The following CAPN7 variants were observed in gnomAD, a reference collection of about 807,000 sequenced individuals.
CAPN7 encodes the protein calpain-7.
In CAPN7, 72 loss-of-function variants were observed where a neutral mutation model predicts 115.2. The observed-to-expected ratio is 0.63, with a 90% CI of 0.52 to 0.76. The LOEUF (loss-of-function observed/expected upper bound fraction) is 0.76. Ranked by LOEUF, CAPN7 falls within the 30% of genes least tolerant of loss-of-function variation. CAPN7 has a pLI of 0.00. For missense variants in CAPN7, 905 were observed against 971.5 expected, an observed-to-expected ratio of 0.93 and a Z score of 0.91; for synonymous variants, 344 against 322.3, an observed-to-expected ratio of 1.07 and a Z score of -0.72.
intron 12 of CAPN7, among the ~76,000 whole-genome samples, chr3:15,238,923 A>G (rs757168435): frequency 6.7e-6 from 1 of 148,604 alleles, no homozygotes; most frequent in Non-Finnish European, 1.5e-5. Context: ...CCATCCAAAC[A>G]AAATCTACAT....
At chr3:15,241,686 C>T in intron 15 of CAPN7, 98 bp downstream of exon 15, 2 of 926,896 alleles carry the variant, frequency 2.2e-6, no homozygotes, top group Non-Finnish European at 3.2e-6. Flanking sequence ...GTTTAATTTA[C>T]ATAGGTGCCC....
chr3:15,206,386 C>T lies in CAPN7; in HGVS notation c.-110C>T. The T allele has an allele frequency of 6.6e-6, 5 of 757,526 alleles. No homozygotes were observed. In the South Asian group the frequency reaches 6.9e-5, roughly 10 times the overall value. The allele number at this position is 757,526 out of a possible 1,614,324, so 46.9% of individuals were successfully genotyped here. On this transcript the variant is annotated 5_prime_UTR_variant, in exon 1 of 21. Transcript: ENST00000253693. ...CCACCGTCCAAAGTAAACTTTGCCG[C>T]TCCTTCCGCGGCGCTCCCGAGTCCT...
At chr3:15,244,815 A>G (rs576431382) in intron 16 of CAPN7, among the ~76,000 whole-genome samples, 83 of 152,238 alleles carry the variant, frequency 5.5e-4, no homozygotes, top group African/African-American at 1.9e-3. Flanking sequence ...TGTAGATAAA[A>G]TGTCATATTT....
In CAPN7 at chr3:15,209,374, A is replaced by G. The variant is rs575792462; in HGVS notation, c.103-2730A>G. On this transcript the variant is annotated intron_variant, in intron 1 of 20. Coordinates refer to ENST00000253693, the MANE Select transcript of CAPN7 (RefSeq NM_014296.3). ...TTCAGGGTACATGTGATAATTTAAT[A>G]CATTAATATAATTTGTAAAGATAAA... Among the ~76,000 whole-genome samples, 11 of 152,320 alleles carry G rather than the reference A, an allele frequency of 7.2e-5. No individual in the cohort carries two copies. In the South Asian group the frequency reaches 2.3e-3, roughly 32 times the overall value.
chr3:15,250,280 G>A (rs1695927393), intron 19 of CAPN7, among the ~76,000 whole-genome samples: 1 of 151,988 alleles, frequency 6.6e-6, no homozygotes, highest in African/African-American at 2.4e-5. Context: ...AGGAGGCTAA[G>A]GTGGGAGAAT....
At chr3:15,238,176 C>T (rs775225259) in intron 12 of CAPN7, among the ~76,000 whole-genome samples, 60 of 131,954 alleles carry the variant, frequency 4.5e-4, no homozygotes, top group Non-Finnish European at 7.8e-4. Context: ...TGCAGTGGCG[C>T]GGTCTCAGCT....
chr3:15,213,600 G>A (rs947341214), intron 2 of CAPN7, among the ~76,000 whole-genome samples: 3 of 152,164 alleles, frequency 2.0e-5, no homozygotes, highest in African/African-American at 2.4e-5. Context: ...ACACAGTCAA[G>A]CACATTTATG....
intron 1 of CAPN7, chr3:15,210,657 C>T (rs1025364501): frequency 9.8e-5 from 35 of 358,114 alleles, no homozygotes; most frequent in African/African-American, 2.9e-4. Flanking sequence ...TGCAGTGGCC[C>T]GATCACAGCT....
At chr3:15,236,481 A>G (rs1254743231) in intron 12 of CAPN7, among the ~76,000 whole-genome samples, 13 of 152,360 alleles carry the variant, frequency 8.5e-5, no homozygotes, top group Non-Finnish European at 1.3e-4. Context: ...TCAGTCAGCA[A>G]TAACAGAGCA....
chr3:15,214,561 T>C (rs1040641091), intron 2 of CAPN7, among the ~76,000 whole-genome samples: 5 of 151,960 alleles, frequency 3.3e-5, no homozygotes, highest in South Asian at 2.1e-4. Context: ...CCTACAAAAA[T>C]TGAAAAAATT....
At position 15,251,009 on chromosome 3, in the gene CAPN7, T is replaced by C; in HGVS notation, c.2283T>C (p.Ser761=). The C allele has an allele frequency of 6.2e-7, 1 of 1,612,690 alleles. No homozygotes were observed. Among genetic ancestry groups the C allele is most frequent in the African/African-American group, 1.3e-5 (1 of 75,004 alleles). ...GTCCCCATGGCTTTCTGAGGAAATCTAGTGGTGACTATAGGTAATGTTGGC... is the reference window on the plus strand; with the variant it reads ...GTCCCCATGGCTTTCTGAGGAAATCCAGTGGTGACTATAGGTAATGTTGGC... ...DPGPHGFLRK[S]SGDYRCGFCY... is the part of the protein sequence containing the mutation. The change falls in exon 20 of 21, where the codon TCT becomes TCC. Residue 761 remains serine, a synonymous_variant. Coordinates refer to ENST00000253693, the MANE Select transcript of CAPN7 (RefSeq NM_014296.3).
In CAPN7 at chr3:15,242,160, G is replaced by T; in HGVS notation, c.1789-18G>T. On this transcript the variant is annotated intron_variant, in intron 15 of 20. Transcript: ENST00000253693. ...TTGAACCCATTTTCTAACCACATTG[G>T]ATTCTTTGTGATTTTAGGATGATTT... is the stretch of plus-strand genomic sequence containing the variant. The T allele has an allele frequency of 6.4e-7, 1 of 1,558,720 alleles. No homozygotes were observed. Among genetic ancestry groups the T allele is most frequent in the South Asian group, 1.2e-5 (1 of 85,894 alleles).
At chr3:15,212,037 G>C in intron 1 of CAPN7, 67 bp from the exon 2 acceptor site, 1 of 828,312 alleles carries the variant, frequency 1.2e-6, no homozygotes, top group Non-Finnish European at 1.8e-6. Flanking sequence ...TATTGAATGA[G>C]AATGTGATAA....
intron 19 of CAPN7, 82 bp downstream of exon 19, chr3:15,247,539 C>G (rs1373366271): frequency 1.8e-6 from 2 of 1,137,672 alleles, no homozygotes; most frequent in East Asian, 2.5e-5. Flanking sequence ...AGAAACAGAC[C>G]TAAGCATATA....
At chr3:15,248,500 G>A (rs1440890138) in intron 19 of CAPN7, among the ~76,000 whole-genome samples, 1 of 152,136 alleles carries the variant, frequency 6.6e-6, no homozygotes, top group East Asian at 1.9e-4. Flanking sequence ...ATAAAGCAGA[G>A]CAAGAGAGTT....
intron 10 of CAPN7, among the ~76,000 whole-genome samples, chr3:15,233,220 G>T (rs777339295): frequency 2.0e-5 from 3 of 152,062 alleles, no homozygotes; most frequent in Admixed American, 6.6e-5. Context: ...TCTTAAAGTC[G>T]TAAAGATGAA....
intron 6 of CAPN7, among the ~76,000 whole-genome samples, chr3:15,223,995 G>A (rs1000067855): frequency 6.6e-6 from 1 of 152,174 alleles, no homozygotes; most frequent in Non-Finnish European, 1.5e-5. Context: ...GGCAGCTTAT[G>A]TCAAGAGCTT....
At chr3:15,238,108 CTTTTTTTTTTTTTTTTTTT>C (rs34203410) in intron 12 of CAPN7, among the ~76,000 whole-genome samples, 2 of 58,188 alleles carry the variant, frequency 3.4e-5, no homozygotes, top group African/African-American at 1.5e-4. Context: ...ATTCTGACTT[CTTTTTTTTTTTTTTTTTTT>C]TTTTTTGAGA....
intron 16 of CAPN7, among the ~76,000 whole-genome samples, chr3:15,244,027 GTGGGGCTAGAAGCCCAGT>G (rs563371698): frequency 6.6e-6 from 1 of 152,346 alleles, no homozygotes; most frequent in South Asian, 2.1e-4. Flanking sequence ...TAGTGGAGAG[GTGGGGCTAGAAGCCCAGT>G]TGGATTGGTT....
Sources: allele counts gnomAD v4.1 joint callset (sites outside exome capture counted in the v4.1 genomes callset), GRCh38; gene constraint gnomAD v4.1.1; transcripts MANE v1.5; gene names NCBI Gene and HGNC (gene_info 2026-07-23, HGNC 2026-07-21).